Variants in GLI2 observed in about 807,000 individuals in gnomAD.
GLI2 encodes the protein GLI family zinc finger 2.
Under a neutral mutation model 78.9 loss-of-function variants are expected in GLI2, and 22 were observed. That is an observed-to-expected ratio of 0.28 (90% CI 0.20 to 0.40). GLI2 has a LOEUF of 0.40. Ranked by LOEUF, GLI2 falls within the 10% of genes least tolerant of loss-of-function variation. GLI2 has a pLI of 1.00. For synonymous variants in GLI2, 974 were observed against 963.7 expected (o/e 1.01, Z -0.20); for missense variants, 2,097 against 2,213.2 (o/e 0.95, Z 1.05).
At position 120,989,974 on chromosome 2, in the gene GLI2, C is replaced by G; in HGVS notation, c.4009C>G (p.Pro1337Ala). The change falls in exon 14 of 14, where the codon CCC (proline) becomes GCC (alanine). Residue 1337 changes from proline to alanine, a missense_variant. Physicochemically the swap from Pro to Ala is conservative, Grantham distance 27 (BLOSUM62 -1). Coordinates refer to ENST00000361492, the MANE Select transcript of GLI2 (RefSeq NM_001374353.1). ...LPARQPGFME[P>A]QTGPMGVATA... is the part of the protein sequence containing the mutation. The stretch of plus-strand genomic sequence containing the variant: ...TGCCCGCCAGCCTGGCTTCATGGAG[C>G]CCCAAACAGGCCCGATGGGGGTGGC... 1 of 1,610,766 alleles carries G rather than the reference C, an allele frequency of 6.2e-7. No individual in the cohort carries two copies.
intron 2 of GLI2, among the ~76,000 whole-genome samples, chr2:120,895,254 G>A (rs913832894): frequency 6.6e-6 from 1 of 152,212 alleles, no homozygotes; most frequent in African/African-American, 2.4e-5. Flanking sequence ...AAAACTAAAC[G>A]TGTGAACTTG....
chr2:120,786,801 AT>A lies in GLI2; in HGVS notation c.-30-10489del, dbSNP rs2104677832. 2.0e-5 allele frequency among the ~76,000 whole-genome samples: 3 copies of A among 152,306 alleles called. No individual in the cohort carries two copies. In the East Asian group the frequency reaches 5.8e-4, roughly 29 times the overall value. ...TACTGCACTTTTCCTGACCTAAGAG[AT>A]AGCCTGATGCCTTCTCCAACCCAGC... On this transcript the variant is annotated intron_variant, in intron 1 of 13. Coordinates refer to ENST00000361492, the MANE Select transcript of GLI2 (RefSeq NM_001374353.1).
At position 120,980,730 on chromosome 2, in the gene GLI2, T is replaced by C. The variant is rs181564937; in HGVS notation, c.1468-1986T>C. ...ACAAAAATTTACCTCTATGTTTTCT[T>C]CTAAGAGTTTTATAGTTTATATAGA... is the stretch of plus-strand genomic sequence containing the variant. On this transcript the variant is annotated intron_variant, in intron 10 of 13. Coordinates refer to ENST00000361492, the MANE Select transcript of GLI2 (RefSeq NM_001374353.1). 1.4e-3 allele frequency among the ~76,000 whole-genome samples: 218 copies of C among 152,344 alleles called. 2 individuals are homozygous for C. The highest frequency in any genetic ancestry group is 5.0e-3 in the African/African-American group (207 of 41,586).
At chr2:120,744,181 T>G (rs933128191) in intron 1 of GLI2, among the ~76,000 whole-genome samples, 1 of 152,212 alleles carries the variant, frequency 6.6e-6, no homozygotes, top group Non-Finnish European at 1.5e-5. Flanking sequence ...ACTTCACTTC[T>G]CAAAAAATTG....
chr2:120,865,301 C>CT (rs922212298), intron 2 of GLI2, among the ~76,000 whole-genome samples: 31 of 152,302 alleles, frequency 2.0e-4, no homozygotes, highest in African/African-American at 7.2e-4. Flanking sequence ...CATAGATGCC[C>CT]TGCCCCCCAT....
chr2:120,919,814 C>A (rs1044234220), intron 2 of GLI2, among the ~76,000 whole-genome samples: 1 of 145,698 alleles, frequency 6.9e-6, no homozygotes, highest in South Asian at 2.3e-4. Context: ...ATGCAGCTAC[C>A]GCACTGGCCT....
In GLI2 at chr2:120,988,837, C is replaced by G. The variant is rs1683120366; in HGVS notation, c.2872C>G (p.Arg958Gly). 6.8e-7 allele frequency: 1 copy of G among 1,471,046 alleles called. No homozygotes were observed. 91.1% of individuals were successfully genotyped at this position (1,471,046 alleles called of 1,614,324 possible). A position where few individuals can be genotyped will look rare whatever the true frequency, so the allele number is the denominator to read the frequency against. ...CAGGCGGGCCAGCGACCCTGTGCGGCGGCCCGATGCCCTGTCCCTGCCGCG... is the reference window on the plus strand; with the variant it reads ...CAGGCGGGCCAGCGACCCTGTGCGGGGGCCCGATGCCCTGTCCCTGCCGCG... ...GARRASDPVR[R>G]PDALSLPRVQ... Residue 958 changes from arginine (R) to glycine (G), a missense_variant, in exon 14 of 14, where the codon CGG becomes GGG. Transcript: ENST00000361492.
chr2:120,952,439 C>T (rs1426447801), intron 4 of GLI2, among the ~76,000 whole-genome samples: 1 of 152,114 alleles, frequency 6.6e-6, no homozygotes, highest in Non-Finnish European at 1.5e-5. Context: ...GTGGGTGTGA[C>T]CACGAGTTGA....
intron 2 of GLI2, among the ~76,000 whole-genome samples, chr2:120,898,616 G>T (rs981513848): frequency 6.6e-6 from 1 of 152,104 alleles, no homozygotes; most frequent in African/African-American, 2.4e-5. Flanking sequence ...GAGTATCTGT[G>T]TTACTTTGTA....
intron 2 of GLI2, among the ~76,000 whole-genome samples, chr2:120,884,469 G>T (rs556185178): frequency 5.1e-4 from 77 of 152,276 alleles, no homozygotes; most frequent in African/African-American, 1.4e-3. Context: ...TCGGAGGAAG[G>T]ACATTGCCCA....
At chr2:120,814,502 T>C (rs1685401432) in intron 2 of GLI2, among the ~76,000 whole-genome samples, 1 of 152,146 alleles carries the variant, frequency 6.6e-6, no homozygotes, top group Admixed American at 6.5e-5. Context: ...GAGAGCAGTG[T>C]TGGGTGGGGT....
At chr2:120,899,672 C>T (rs767074581) in intron 2 of GLI2, among the ~76,000 whole-genome samples, 102 of 152,308 alleles carry the variant, frequency 6.7e-4, no homozygotes, top group Non-Finnish European at 1.2e-3. Flanking sequence ...CTGTATATAA[C>T]GGAACTCAGT....
chr2:120,812,418 G>A (rs1259567995), intron 2 of GLI2, among the ~76,000 whole-genome samples: 3 of 152,346 alleles, frequency 2.0e-5, no homozygotes, highest in Admixed American at 1.3e-4. Flanking sequence ...TTTCACGGGG[G>A]AATGATGAGG....
At chr2:120,908,816 T>C (rs1455298710) in intron 2 of GLI2, among the ~76,000 whole-genome samples, 5 of 152,200 alleles carry the variant, frequency 3.3e-5, no homozygotes, top group Non-Finnish European at 7.3e-5. Flanking sequence ...TTGGGAATCT[T>C]ATTTTGCCCA....
chr2:120,888,136 G>C lies in GLI2; in HGVS notation c.149-39225G>C, dbSNP rs191020326. Among the ~76,000 whole-genome samples, 167 of 152,336 alleles carry C rather than the reference G, an allele frequency of 1.1e-3. 1 individual carries two copies. The highest frequency in any genetic ancestry group is 3.2e-3 in the African/African-American group (133 of 41,574). On this transcript the variant is annotated intron_variant, in intron 2 of 13. Transcript: ENST00000361492. ...CACCTGCCTTCTTTCTGTCTGGCTG[G>C]ATGCCGAAAAGAAACCTCCAGAGGG...
At chr2:120,778,587 A>T (rs1023001609) in intron 1 of GLI2, among the ~76,000 whole-genome samples, 1 of 152,192 alleles carries the variant, frequency 6.6e-6, no homozygotes, top group Admixed American at 6.5e-5. Flanking sequence ...CAGATTCCAC[A>T]TGTGGCTGGT....
At chr2:120,925,714 A>T (rs1679628589) in intron 2 of GLI2, among the ~76,000 whole-genome samples, 1 of 152,078 alleles carries the variant, frequency 6.6e-6, no homozygotes, top group South Asian at 2.1e-4. Context: ...GTGGAGATGG[A>T]TGGTGGTGAT....
intron 1 of GLI2, among the ~76,000 whole-genome samples, chr2:120,789,286 A>C (rs1235986516): frequency 1.3e-5 from 2 of 151,814 alleles, no homozygotes; most frequent in African/African-American, 4.8e-5. Flanking sequence ...AGCCTCCCAG[A>C]GTGCTGGGAT....
At position 120,870,304 on chromosome 2, in the gene GLI2, C is replaced by T. The variant is rs77603393; in HGVS notation, c.149-57057C>T. ...CAAAACAAGGTCTGCAGCAGTGTTT[C>T]CATGGAACTGCCTTAGTCTGGATGA... On this transcript the variant is annotated intron_variant, in intron 2 of 13. Transcript: ENST00000361492. Among the ~76,000 whole-genome samples the T allele has an allele frequency of 6.1e-3, 922 of 152,308 alleles. 7 individuals carry two copies. Among genetic ancestry groups the T allele is most frequent in the African/African-American group, 0.021 (865 of 41,558 alleles).
Sources: allele counts gnomAD v4.1 joint callset (sites outside exome capture counted in the v4.1 genomes callset), GRCh38; gene constraint gnomAD v4.1.1; transcripts MANE v1.5; gene names NCBI Gene and HGNC (gene_info 2026-07-23, HGNC 2026-07-21).